CRACD: variants seen among roughly 807,000 people sequenced by gnomAD.
CRACD encodes the protein capping protein inhibiting regulator of actin dynamics.
In CRACD, 56 loss-of-function variants were observed where a neutral mutation model predicts 106.8. That is an observed-to-expected ratio of 0.52 (90% confidence interval 0.42 to 0.66). The LOEUF is 0.66. Among genes scored for constraint, CRACD ranks in the 30% least tolerant of loss-of-function variants. The pLI is 0.00. For synonymous variants in CRACD, 754 were observed against 670.8 expected, an observed-to-expected ratio of 1.12 and a Z score of -1.92; for missense variants, 1,730 against 1,623.2, an observed-to-expected ratio of 1.07 and a Z score of -1.13.
intron 3 of CRACD, among the ~76,000 whole-genome samples, chr4:56,294,444 G>A (rs1743873649): frequency 6.6e-6 from 1 of 151,944 alleles, no homozygotes; most frequent in Non-Finnish European, 1.5e-5. Context: ...CCTCTATACA[G>A]AAAACTTCAA....
At chr4:56,155,240 AAG>A (rs1469216148) in intron 1 of CRACD, among the ~76,000 whole-genome samples, 1 of 152,146 alleles carries the variant, frequency 6.6e-6, no homozygotes, top group Non-Finnish European at 1.5e-5. Context: ...TCTAAGGGAA[AAG>A]AGAGAGTCAG....
intron 1 of CRACD, among the ~76,000 whole-genome samples, chr4:56,153,994 T>C (rs1209867309): frequency 6.6e-6 from 1 of 152,242 alleles, no homozygotes; most frequent in Non-Finnish European, 1.5e-5. Context: ...CTTGGTTATT[T>C]ACTTGCTTAT....
chr4:56,180,741 T>C (rs1736786197), intron 2 of CRACD, among the ~76,000 whole-genome samples: 1 of 152,172 alleles, frequency 6.6e-6, no homozygotes, highest in Non-Finnish European at 1.5e-5. Flanking sequence ...TATTGACTAT[T>C]TGGTTACTTT....
intron 4 of CRACD, among the ~76,000 whole-genome samples, chr4:56,306,913 AT>A (rs1161968558): frequency 1.3e-5 from 2 of 152,148 alleles, no homozygotes; most frequent in Non-Finnish European, 2.9e-5. Flanking sequence ...GGGTTTTAGT[AT>A]TGATCATGGA....
intron 2 of CRACD, among the ~76,000 whole-genome samples, chr4:56,271,637 G>C (rs1742353891): frequency 6.6e-6 from 1 of 152,066 alleles, no homozygotes; most frequent in Non-Finnish European, 1.5e-5. Context: ...AAGGGCATTT[G>C]GCTATCTGCT....
intron 1 of CRACD, among the ~76,000 whole-genome samples, chr4:56,073,131 T>C (rs1245367699): frequency 6.6e-6 from 1 of 152,218 alleles, no homozygotes; most frequent in African/African-American, 2.4e-5. Flanking sequence ...AACAATGGGA[T>C]GGCTGGGTCA....
At chr4:56,154,295 G>A (rs1458837167) in intron 1 of CRACD, among the ~76,000 whole-genome samples, 1 of 144,840 alleles carries the variant, frequency 6.9e-6, no homozygotes, top group African/African-American at 2.6e-5. Flanking sequence ...GGCGAAACCC[G>A]TGTCTACCAA....
At chr4:56,058,663 T>C (rs1319807593) in intron 1 of CRACD, among the ~76,000 whole-genome samples, 2 of 152,222 alleles carry the variant, frequency 1.3e-5, no homozygotes, top group Non-Finnish European at 2.9e-5. Context: ...AACTTCATGA[T>C]CAAAATTTTT....
chr4:56,296,614 C>T (rs376912426), intron 3 of CRACD, among the ~76,000 whole-genome samples: 1 of 152,218 alleles, frequency 6.6e-6, no homozygotes, highest in Non-Finnish European at 1.5e-5. Context: ...CTGCCCCCAA[C>T]GCTGGCTATT....
At chr4:56,271,906 A>T (rs571326080) in intron 2 of CRACD, among the ~76,000 whole-genome samples, 14 of 152,024 alleles carry the variant, frequency 9.2e-5, no homozygotes, top group African/African-American at 3.1e-4. Context: ...CACCAACCCG[A>T]CTAATTTTCT....
intron 8 of CRACD, among the ~76,000 whole-genome samples, chr4:56,322,872 T>C (rs1314615268): frequency 6.6e-6 from 1 of 152,032 alleles, no homozygotes; most frequent in African/African-American, 2.4e-5. Flanking sequence ...CTACTAAAAA[T>C]ACAACAATTT....
chr4:56,119,506 T>G (rs1734410295), intron 1 of CRACD, among the ~76,000 whole-genome samples: 1 of 107,138 alleles, frequency 9.3e-6, no homozygotes, highest in African/African-American at 3.5e-5. Context: ...AATTTTTGTA[T>G]TTTTTTTTTG....
At chr4:56,170,040 GAAC>G (rs199946852) in intron 1 of CRACD, among the ~76,000 whole-genome samples, 5 of 151,966 alleles carry the variant, frequency 3.3e-5, no homozygotes, top group South Asian at 2.1e-4. Context: ...CTGAGTAGCA[GAAC>G]AACAACAACA....
intron 1 of CRACD, among the ~76,000 whole-genome samples, chr4:56,130,832 C>T (rs1734804441): frequency 6.6e-6 from 1 of 152,136 alleles, no homozygotes; most frequent in East Asian, 1.9e-4. Flanking sequence ...CCTTCTCTCT[C>T]CCTGTCTTCT....
At position 56,231,916 on chromosome 4, in the gene CRACD, T is replaced by G. The variant is rs111251380; in HGVS notation, c.-188-40405T>G. Among the ~76,000 whole-genome samples, 1,111 of 152,344 alleles carry G rather than the reference T, an allele frequency of 7.3e-3. 13 individuals are homozygous for G. The highest frequency in any genetic ancestry group is 0.025 in the African/African-American group (1,058 of 41,572). ...GCTATAAAATGGACCTTCCAATGAT[T>G]AAGTCACTAAAGAACATGTGTTGTG... On this transcript the variant is annotated intron_variant, in intron 2 of 10. Transcript: ENST00000682029.
chr4:56,194,039 A>T (rs1168875352), intron 2 of CRACD, among the ~76,000 whole-genome samples: 1 of 152,232 alleles, frequency 6.6e-6, no homozygotes, highest in Admixed American at 6.5e-5. Flanking sequence ...ATGCTTAGGA[A>T]TACATTCTTT....
At chr4:56,286,453 G>A (rs1410715377) in intron 3 of CRACD, among the ~76,000 whole-genome samples, 3 of 145,766 alleles carry the variant, frequency 2.1e-5, no homozygotes, top group Non-Finnish European at 4.5e-5. Flanking sequence ...ATGAACCCGG[G>A]AGGCAGAGCT....
intron 1 of CRACD, among the ~76,000 whole-genome samples, chr4:56,084,231 A>T (rs1457406871): frequency 1.3e-5 from 2 of 152,172 alleles, no homozygotes; most frequent in African/African-American, 2.4e-5. Context: ...TGGACTGAAA[A>T]GTCACGAACT....
chr4:56,128,392 G>C (rs1235322662), intron 1 of CRACD, among the ~76,000 whole-genome samples: 1 of 152,160 alleles, frequency 6.6e-6, no homozygotes, highest in African/African-American at 2.4e-5. Flanking sequence ...CTCTTTGTAT[G>C]AACAGTAATC....
Sources: allele counts gnomAD v4.1 joint callset (sites outside exome capture counted in the v4.1 genomes callset), GRCh38; gene constraint gnomAD v4.1.1; transcripts MANE v1.5; gene names NCBI Gene and HGNC (gene_info 2026-07-23, HGNC 2026-07-21).